Variants in ABLIM1 observed in about 807,000 individuals in gnomAD.
ABLIM1 encodes actin binding LIM protein 1, also known as actin-binding LIM protein 1.
In ABLIM1, 40 loss-of-function variants were observed where a neutral mutation model predicts 107.0. The observed-to-expected ratio is 0.37, with a 90% CI of 0.29 to 0.49. ABLIM1 has a LOEUF of 0.49. Ranked by LOEUF, ABLIM1 falls within the 20% of genes least tolerant of loss-of-function variation. The probability of loss-of-function intolerance (pLI) is 0.97; values close to 1 mark genes in which losing one functional copy is unlikely to be tolerated. For missense variants in ABLIM1, 857 were observed against 1,008.5 expected, an observed-to-expected ratio of 0.85 and a Z score of 2.04; for synonymous variants, 357 against 357.3, an observed-to-expected ratio of 1.00 and a Z score of 0.01.
intron 12 of ABLIM1, among the ~76,000 whole-genome samples, chr10:114,458,532 A>C (rs900673187): frequency 6.6e-6 from 1 of 152,190 alleles, no homozygotes; most frequent in African/African-American, 2.4e-5. Context: ...TTACATCCCC[A>C]AATATAAATG....
At chr10:114,463,078 G>T (rs756718470) in intron 12 of ABLIM1, 6 of 1,342,946 alleles carry the variant, frequency 4.5e-6, no homozygotes, top group Non-Finnish European at 5.9e-6. Context: ...TGTCGGAAAG[G>T]GGGGTTGGGG....
At chr10:114,714,554 G>A (rs2081619377) in intron 1 of ABLIM1, among the ~76,000 whole-genome samples, 1 of 152,218 alleles carries the variant, frequency 6.6e-6, no homozygotes. Flanking sequence ...CCACATCAGA[G>A]CTGGATGTGT....
chr10:114,773,703 C>T, the ABLIM1 span, among the ~76,000 whole-genome samples: 4 of 152,084 alleles, frequency 2.6e-5, no homozygotes, highest in Admixed American at 6.6e-5. Context: ...GCCTGGGCTA[C>T]AGAGAGAGAC....
intron 1 of ABLIM1, among the ~76,000 whole-genome samples, chr10:114,607,918 C>T (rs2076535735): frequency 6.6e-6 from 1 of 152,164 alleles, no homozygotes; most frequent in Non-Finnish European, 1.5e-5. Flanking sequence ...GACTTTAGTT[C>T]ATAACAGTGT....
In ABLIM1 at chr10:114,453,296, T is replaced by A. The variant is rs1200940608; in HGVS notation, c.1546+83A>T. ...ACTGTGCATCCCAATTAAAAGAGCATGAGAGATGAGACAAGACGAGGTTAC... is the reference window on the plus strand; with the variant it reads ...ACTGTGCATCCCAATTAAAAGAGCAAGAGAGATGAGACAAGACGAGGTTAC... On this transcript the variant is annotated intron_variant, in intron 13 of 22. Coordinates refer to ENST00000533213, the MANE Select transcript of ABLIM1 (RefSeq NM_002313.7). The A allele has an allele frequency of 2.0e-5, 28 of 1,416,808 alleles. No individual in the cohort carries two copies. In the Admixed American group the frequency reaches 2.4e-4, roughly 12 times the overall value. 87.8% of individuals were successfully genotyped at this position (1,416,808 alleles called of 1,614,324 possible).
Position 114,468,376 on chromosome 10 carries a change from GCGATTCTCCTGCCTCAGCCTCCCAA to G in ABLIM1, c.1276-185_1276-161del. 2.3e-5 allele frequency: 14 copies of G among 619,546 alleles called. No homozygotes were observed. In the South Asian group the frequency reaches 2.5e-4, roughly 11 times the overall value. The allele number at this position is 619,546 out of a possible 1,614,324, so 38.4% of individuals were successfully genotyped here. On this transcript the variant is annotated intron_variant, in intron 10 of 22. Transcript: ENST00000533213. ...TGCAATCTCCGCCTCCCAGGTTCAA[GCGATTCTCCTGCCTCAGCCTCCCAA>G]GTAGCTGGGACTACAGGCGCCGCCA... is the stretch of plus-strand genomic sequence containing the variant.
chr10:114,505,219 C>T lies in ABLIM1; in HGVS notation c.895-13341G>A, dbSNP rs146935399. On this transcript the variant is annotated intron_variant, in intron 6 of 22. Coordinates refer to ENST00000533213, the MANE Select transcript of ABLIM1 (RefSeq NM_002313.7). ...ACTGCTTTCCAAACTCAGACACTGCCCTAACACTCAAGGTCAAAGGTTTCA... is the reference window on the plus strand; with the variant it reads ...ACTGCTTTCCAAACTCAGACACTGCTCTAACACTCAAGGTCAAAGGTTTCA... Among the ~76,000 whole-genome samples the T allele has an allele frequency of 3.2e-3, 482 of 152,276 alleles. 1 individual carries two copies. The highest frequency in any genetic ancestry group is 0.011 in the African/African-American group (472 of 41,556).
At chr10:114,769,414 GAAAAGAAGGAAAGAAA>G (rs1319116371), upstream of ABLIM1, among the ~76,000 whole-genome samples, 17 of 47,728 alleles carry the variant, frequency 3.6e-4, no homozygotes, top group African/African-American at 1.6e-3. Context: ...AAGAAAGAAA[GAAAAGAAGGAAAGAAA>G]GAAAGAAAGA....
At chr10:114,584,921 T>A (rs2139377900) in intron 2 of ABLIM1, among the ~76,000 whole-genome samples, 1 of 152,314 alleles carries the variant, frequency 6.6e-6, no homozygotes, top group East Asian at 1.9e-4. Context: ...GTTTAACCTG[T>A]TGTAGAACTT....
intron 1 of ABLIM1, among the ~76,000 whole-genome samples, chr10:114,626,537 T>C (rs2077812890): frequency 1.3e-5 from 2 of 152,090 alleles, no homozygotes; most frequent in South Asian, 4.2e-4. Context: ...AAAACTGAGC[T>C]CATCTCCTTC....
chr10:114,673,779 T>C (rs1007943890), intron 1 of ABLIM1, among the ~76,000 whole-genome samples: 2 of 152,260 alleles, frequency 1.3e-5, no homozygotes, highest in Non-Finnish European at 2.9e-5. Context: ...ATTTATTATA[T>C]GACCAATTAT....
intron 1 of ABLIM1, among the ~76,000 whole-genome samples, chr10:114,754,089 T>C (rs2142474494): frequency 6.6e-6 from 1 of 152,284 alleles, no homozygotes; most frequent in South Asian, 2.1e-4. Flanking sequence ...TGACCTCAAG[T>C]GATCTGCCTG....
At chr10:114,469,587 CT>C (rs1321205221) in intron 10 of ABLIM1, among the ~76,000 whole-genome samples, 2 of 152,246 alleles carry the variant, frequency 1.3e-5, no homozygotes, top group African/African-American at 2.4e-5. Context: ...AACCCAGCCC[CT>C]GGTACGCTTT....
At chr10:114,658,618 C>G (rs1181621772), upstream of ABLIM1, among the ~76,000 whole-genome samples, 1 of 152,116 alleles carries the variant, frequency 6.6e-6, no homozygotes, top group African/African-American at 2.4e-5. Flanking sequence ...AAATGTCTAT[C>G]AGAAAAATCC....
intron 1 of ABLIM1, among the ~76,000 whole-genome samples, chr10:114,749,642 C>T (rs1306874130): frequency 2.0e-5 from 3 of 152,166 alleles, no homozygotes; most frequent in African/African-American, 7.2e-5. Flanking sequence ...TGTCGTTTCA[C>T]TCAGTAAAAG....
chr10:114,663,365 C>T (rs1467293102), intron 1 of ABLIM1, among the ~76,000 whole-genome samples: 2 of 152,206 alleles, frequency 1.3e-5, no homozygotes, highest in Non-Finnish European at 2.9e-5. Context: ...AGCTGCTAAG[C>T]TGCTGGAGTG....
intron 4 of ABLIM1, among the ~76,000 whole-genome samples, chr10:114,570,157 C>A (rs1257764490): frequency 6.6e-6 from 1 of 152,172 alleles, no homozygotes; most frequent in African/African-American, 2.4e-5. Flanking sequence ...AGCCACAGAA[C>A]CCAAGGCAAA....
chr10:114,653,636 T>C (rs574377608), intron 1 of ABLIM1, among the ~76,000 whole-genome samples: 1 of 152,336 alleles, frequency 6.6e-6, no homozygotes, highest in African/African-American at 2.4e-5. Context: ...AGAACAGTAC[T>C]ACATCTACAG....
intron 6 of ABLIM1, among the ~76,000 whole-genome samples, chr10:114,505,884 G>A (rs1331558795): frequency 1.3e-5 from 2 of 151,964 alleles, no homozygotes; most frequent in East Asian, 1.9e-4. Context: ...TTTATTTTAG[G>A]TCCAAGGGGT....
Sources: gnomAD v4.1 joint callset for allele counts (sites outside exome capture counted in the v4.1 genomes callset) on GRCh38, gnomAD v4.1.1 for gene constraint, MANE v1.5 for transcripts, NCBI Gene and HGNC (gene_info 2026-07-23, HGNC 2026-07-21) for gene names.